The following ARHGEF11 variants were observed in gnomAD, a reference collection of about 807,000 sequenced individuals.
The protein encoded by ARHGEF11 is Rho guanine nucleotide exchange factor 11, also known as Rho guanine exchange factor (GEF) 11.
A neutral mutation model predicts 193.7 loss-of-function variants in ARHGEF11; 55 were observed. That is an observed-to-expected ratio of 0.28 (90% CI 0.23 to 0.36). The LOEUF (loss-of-function observed/expected upper bound fraction) is 0.36. ARHGEF11 is among the 10% of genes least tolerant of loss of function. ARHGEF11 has a pLI of 1.00. For missense variants in ARHGEF11, 1,723 were observed against 2,005.6 expected (o/e 0.86, Z 2.69); for synonymous variants, 693 against 768.0 (o/e 0.90, Z 1.62).
At chr1:156,988,042 T>C (rs1428815842) in intron 1 of ARHGEF11, among the ~76,000 whole-genome samples, 1 of 152,212 alleles carries the variant, frequency 6.6e-6, no homozygotes, top group Non-Finnish European at 1.5e-5. Flanking sequence ...AGAACAGTCA[T>C]CTGGCCTCAG....
chr1:156,939,893 G>T lies in ARHGEF11; in HGVS notation c.3751C>A (p.Leu1251Met). 6.2e-7 allele frequency: 1 copy of T among 1,605,824 alleles called. No individual in the cohort carries two copies. Residue 1251 changes from leucine to methionine, a missense_variant, in exon 37 of 41, where the codon CTG becomes ATG. Coordinates refer to ENST00000368194, the MANE Select transcript of ARHGEF11 (RefSeq NM_198236.3). ...CCTGGCAGCAGGCTCCACAGGATCA[G>T]ATGTCGCAGGTTCTCCACTGGAGGG... ...ALEDVENLRHLILWSLLPGHT... is the reference protein window; with the variant it reads ...ALEDVENLRHMILWSLLPGHT...
rs1404311591 is a variant in ARHGEF11 at position 156,985,045 on chromosome 1, AAAAC to A, written c.125-612_125-609del. On this transcript the variant is annotated intron_variant, in intron 2 of 40. Transcript: ENST00000368194. ...ATCCTTTAAAAAAATACAGAATTAAAAAACAAAAAGAAACAGAGGTTATCACTAC... is the reference window on the plus strand; with the variant it reads ...ATCCTTTAAAAAAATACAGAATTAAAAAAAAGAAACAGAGGTTATCACTAC... Among the ~76,000 whole-genome samples, 16 of 152,150 alleles carry A rather than the reference AAAAC, an allele frequency of 1.1e-4. No individual in the cohort carries two copies. In the East Asian group the frequency reaches 2.7e-3, roughly 26 times the overall value.
intron 1 of ARHGEF11, among the ~76,000 whole-genome samples, chr1:156,995,181 T>C (rs1666304687): frequency 6.6e-6 from 1 of 152,186 alleles, no homozygotes; most frequent in Non-Finnish European, 1.5e-5. Flanking sequence ...CTCTAGCCCC[T>C]ACCCATTCTT....
intron 1 of ARHGEF11, among the ~76,000 whole-genome samples, chr1:157,028,796 T>A (rs376344049): frequency 6.6e-6 from 1 of 151,978 alleles, no homozygotes; most frequent in Admixed American, 6.6e-5. Context: ...ATTAAGGAAA[T>A]GCAAATCAAA....
rs993907150 is a variant in ARHGEF11, at chr1:156,951,519, C to T, written c.1925+54G>A. On this transcript the variant is annotated intron_variant, in intron 22 of 40. Coordinates refer to ENST00000368194, the MANE Select transcript of ARHGEF11 (RefSeq NM_198236.3). ...CTGGAATTAAACCCTAGCATCAGCC[C>T]TGCCCATGACCCACTCTTCGAGCAG... is the stretch of plus-strand genomic sequence containing the variant. 3.0e-5 allele frequency: 48 copies of T among 1,605,352 alleles called. 1 individual carries two copies. In the Admixed American group the frequency reaches 8.1e-4, roughly 27 times the overall value.
chr1:157,017,706 CA>C (rs1047573559), intron 1 of ARHGEF11, among the ~76,000 whole-genome samples: 558 of 41,544 alleles, frequency 0.013, 2 homozygotes, highest in African/African-American at 0.035. Context: ...GACTCCGTCT[CA>C]AAAAAAAAAA....
intron 1 of ARHGEF11, among the ~76,000 whole-genome samples, chr1:156,991,636 T>G (rs774560718): frequency 6.6e-6 from 1 of 151,816 alleles, no homozygotes; most frequent in East Asian, 1.9e-4. Context: ...TGTTTTTATG[T>G]TATCAATTTG....
rs1471179239 is a variant in ARHGEF11, at chr1:156,951,614, G to A, written c.1884C>T (p.Leu628=). The change falls in exon 22 of 41, where the codon CTC becomes CTT. Residue 628 remains leucine (L), a synonymous_variant. Transcript: ENST00000368194. The part of the protein sequence containing the change: ...YDAPEPGTQR[L]STGSFPEDLL... Reference sequence around the variant, plus strand: ...GGTCCTCAGGAAAGCTTCCGGTCGAGAGTCGTTGTGTCCCAGGTTCTGGGG... The same window carrying A: ...GGTCCTCAGGAAAGCTTCCGGTCGAAAGTCGTTGTGTCCCAGGTTCTGGGG... 1.2e-6 allele frequency: 2 copies of A among 1,614,096 alleles called. No individual in the cohort carries two copies. Among genetic ancestry groups the A allele is most frequent in the African/African-American group, 1.3e-5 (1 of 74,934 alleles).
Position 156,934,979 on chromosome 1 carries a change from A to G in ARHGEF11, c.*1021T>C, listed in dbSNP as rs1456559139. 6.7e-6 allele frequency: 1 copy of G among 148,666 alleles called. No homozygotes were observed. The highest frequency in any genetic ancestry group is 2.5e-5 in the African/African-American group (1 of 40,744). The allele number at this position is 148,666 out of a possible 1,614,324, so 9.2% of individuals were successfully genotyped here. On this transcript the variant is annotated 3_prime_UTR_variant, in exon 41 of 41. Coordinates refer to ENST00000368194, the MANE Select transcript of ARHGEF11 (RefSeq NM_198236.3). ...ATTATATATATATTTATATATATAT[A>G]TATGTATATATACACCTAGCACAGT...
chr1:157,013,290 CACACACACA>C (rs1668783586), intron 1 of ARHGEF11, among the ~76,000 whole-genome samples: 1 of 150,758 alleles, frequency 6.6e-6, no homozygotes, highest in Non-Finnish European at 1.5e-5. Context: ...CACACACACA[CACACACACA>C]CCAAGAACCT....
chr1:156,941,821 T>G lies in ARHGEF11; in HGVS notation c.3452+43A>C, dbSNP rs765837011. 4 of 1,559,090 alleles carry G rather than the reference T, an allele frequency of 2.6e-6. No homozygotes were observed. The African/African-American group carries it at 4.1e-5, about 16-fold the overall frequency. On this transcript the variant is annotated intron_variant, in intron 34 of 40. Coordinates refer to ENST00000368194, the MANE Select transcript of ARHGEF11 (RefSeq NM_198236.3). The stretch of plus-strand genomic sequence containing the variant: ...TAAAAGCAGCAGGAAACAGGAGGTT[T>G]GGAGTGGAGAGAGTGCAGGGTCTGG...
Position 157,044,341 on chromosome 1 carries a change from T to C in ARHGEF11, c.-11A>G, listed in dbSNP as rs765985031. The C allele has an allele frequency of 6.2e-7, 1 of 1,613,644 alleles. No homozygotes were observed. Among genetic ancestry groups the C allele is most frequent in the Non-Finnish European group, 8.5e-7 (1 of 1,179,854 alleles). ...TAACCTTACACTCATGGTTTCTCGG[T>C]GTCTCCACGGTTCCAGAATCCTGTA... On this transcript the variant is annotated 5_prime_UTR_variant, in exon 1 of 41. Transcript: ENST00000368194.
At chr1:157,046,208 A>C (rs1359485956), upstream of ARHGEF11, among the ~76,000 whole-genome samples, 1 of 134,594 alleles carries the variant, frequency 7.4e-6, no homozygotes, top group East Asian at 2.3e-4. Context: ...TGACCCCGCC[A>C]GGCACCGCGC....
intron 11 of ARHGEF11, among the ~76,000 whole-genome samples, chr1:156,965,565 T>C (rs1340084453): frequency 1.3e-5 from 2 of 152,226 alleles, no homozygotes; most frequent in African/African-American, 4.8e-5. Context: ...TTAATACCTG[T>C]CCGATCCTTT....
intron 7 of ARHGEF11, among the ~76,000 whole-genome samples, chr1:156,976,578 GT>G (rs2102367998): frequency 6.6e-6 from 1 of 152,118 alleles, no homozygotes; most frequent in East Asian, 1.9e-4. Flanking sequence ...ACTGTTCTCT[GT>G]GCACATCACT....
intron 1 of ARHGEF11, among the ~76,000 whole-genome samples, chr1:157,008,851 T>TTA (rs1668214376): frequency 6.6e-6 from 1 of 152,214 alleles, no homozygotes; most frequent in Non-Finnish European, 1.5e-5. Context: ...TGGGAGCCAA[T>TTA]GGTATCACCT....
At chr1:156,979,439 A>C (rs905868548) in intron 4 of ARHGEF11, among the ~76,000 whole-genome samples, 153 bp from the exon 5 acceptor site, 4 of 133,860 alleles carry the variant, frequency 3.0e-5, no homozygotes, top group African/African-American at 1.2e-4. Context: ...ATCTCGGCTC[A>C]CTGCAAGCTC....
intron 1 of ARHGEF11, among the ~76,000 whole-genome samples, chr1:157,011,493 T>C (rs551349625): frequency 7.2e-5 from 11 of 152,056 alleles, no homozygotes; most frequent in African/African-American, 2.2e-4. Flanking sequence ...CTGGACTTCA[T>C]CAAAATAAAA....
chr1:157,008,712 A>G (rs1557945637), intron 1 of ARHGEF11, among the ~76,000 whole-genome samples: 2 of 152,154 alleles, frequency 1.3e-5, no homozygotes. Context: ...AGGCCTTGGA[A>G]TGTGTTTATG....
Sources: gnomAD v4.1 joint callset for allele counts (sites outside exome capture counted in the v4.1 genomes callset) on GRCh38, gnomAD v4.1.1 for gene constraint, MANE v1.5 for transcripts, NCBI Gene and HGNC (gene_info 2026-07-23, HGNC 2026-07-21) for gene names.